BBS4: variants seen among roughly 807,000 people sequenced by gnomAD.
BBS4 encodes the protein BBSome complex member BBS4.
In BBS4, 58 loss-of-function variants were observed where a neutral mutation model predicts 71.4. That is an observed-to-expected ratio of 0.81 (90% confidence interval 0.66 to 1.01). The LOEUF is 1.01. Among genes scored for constraint, BBS4 ranks in the 50% least tolerant of loss-of-function variants. The pLI, the probability that BBS4 is intolerant of heterozygous loss-of-function variation, is 0.00. For missense variants in BBS4, 660 were observed against 607.9 expected, an observed-to-expected ratio of 1.09 and a Z score of -0.90; for synonymous variants, 228 against 216.8, an observed-to-expected ratio of 1.05 and a Z score of -0.46.
rs140128357 is a variant in BBS4 at position 72,701,877 on chromosome 15, C to T, written c.76+6649C>T. On this transcript the variant is annotated intron_variant, in intron 2 of 15. Coordinates refer to ENST00000268057, the MANE Select transcript of BBS4 (RefSeq NM_033028.5). The stretch of plus-strand genomic sequence containing the variant: ...TTTTTGAGACGGAGTCTTGCTCTGT[C>T]GCCAGGCTGGAGTGCAGTGGTGCGA... Among the ~76,000 whole-genome samples the T allele has an allele frequency of 8.4e-3, 1,276 of 152,170 alleles. 13 individuals are homozygous for T. Among genetic ancestry groups the T allele is most frequent in the African/African-American group, 0.029 (1,206 of 41,522 alleles).
intron 2 of BBS4, among the ~76,000 whole-genome samples, chr15:72,705,784 G>A (rs766064918): frequency 6.6e-6 from 1 of 151,566 alleles, no homozygotes; most frequent in Admixed American, 6.6e-5. Context: ...TGTAGAGATG[G>A]GGTTTGTCCA....
Position 72,731,377 on chromosome 15 carries a change from G to C in BBS4, c.784G>C (p.Val262Leu), listed in dbSNP as rs750598060. The C allele has an allele frequency of 6.2e-7, 1 of 1,614,146 alleles. No homozygotes were observed. Among genetic ancestry groups the C allele is most frequent in the Non-Finnish European group, 8.5e-7 (1 of 1,180,030 alleles). ...FDVALTKYRV[V>L]ACAVPESPPL... ...TGTTGCCCTCACCAAATACAGAGTT[G>C]TGGCTTGTGCTGTTCCAGAAAGTCC... is the stretch of plus-strand genomic sequence containing the variant. The change falls in exon 11 of 16, where the codon GTG becomes CTG. Residue 262 changes from valine (V) to leucine (L), a missense_variant. Transcript: ENST00000268057.
intron 2 of BBS4, among the ~76,000 whole-genome samples, chr15:72,696,228 A>T (rs564229715): frequency 6.6e-6 from 1 of 152,314 alleles, no homozygotes; most frequent in Non-Finnish European, 1.5e-5. Flanking sequence ...GTTTGTCTTT[A>T]TATAATATTC....
rs770575180 is a variant in BBS4, at chr15:72,735,998, A to C, written c.1248+32A>C. On this transcript the variant is annotated intron_variant, in intron 14 of 15. Transcript: ENST00000268057. Reference sequence around the variant, plus strand: ...CTTTTATTAGCTCCCAAGAGTCATAAGTAAGCTCTCAGGAGACTTTTAAAA... The same window carrying C: ...CTTTTATTAGCTCCCAAGAGTCATACGTAAGCTCTCAGGAGACTTTTAAAA... 3.1e-6 allele frequency: 5 copies of C among 1,613,418 alleles called. No homozygotes were observed. In the South Asian group the frequency reaches 5.5e-5, roughly 18 times the overall value.
At chr15:72,709,672 G>C in intron 2 of BBS4, 28 bp from the exon 3 acceptor site, 1 of 1,524,154 alleles carries the variant, frequency 6.6e-7, no homozygotes, top group Non-Finnish European at 9.1e-7. Flanking sequence ...TGACTGTGTT[G>C]TTTGTTTTGT....
intron 8 of BBS4, among the ~76,000 whole-genome samples, chr15:72,724,868 G>A (rs1244298136): frequency 2.6e-5 from 4 of 151,966 alleles, no homozygotes; most frequent in African/African-American, 7.3e-5. Flanking sequence ...AGGTTAGCTG[G>A]GCAGCTCTAT....
At chr15:72,731,167 A>G (rs756910107) in intron 10 of BBS4, 138 bp from the exon 11 acceptor site, 91 of 822,242 alleles carry the variant, frequency 1.1e-4, no homozygotes, top group Non-Finnish European at 1.5e-4. Flanking sequence ...AATAGGTTGG[A>G]TATATTTATG....
At chr15:72,699,021 T>C (rs1180235336) in intron 2 of BBS4, among the ~76,000 whole-genome samples, 7 of 152,244 alleles carry the variant, frequency 4.6e-5, no homozygotes, top group Non-Finnish European at 7.3e-5. Context: ...ATGACTTTCA[T>C]TGATTAGCTT....
At chr15:72,736,317 C>T (rs2065923297) in intron 14 of BBS4, among the ~76,000 whole-genome samples, 1 of 147,704 alleles carries the variant, frequency 6.8e-6, no homozygotes, top group African/African-American at 2.5e-5. Flanking sequence ...TCTCAGTTCA[C>T]TGCAACCTCC....
chr15:72,715,541 C>T (rs1340771975), intron 5 of BBS4, 139 bp downstream of exon 5: 2 of 707,692 alleles, frequency 2.8e-6, no homozygotes, highest in East Asian at 5.1e-5. Flanking sequence ...CAGTGGGATT[C>T]ACTCTGAAGA....
intron 14 of BBS4, 75 bp from the exon 15 acceptor site, chr15:72,736,687 G>A: frequency 7.5e-6 from 11 of 1,466,316 alleles, no homozygotes; most frequent in Non-Finnish European, 1.0e-5. Context: ...ACCCCAGCTC[G>A]AAGACCAAAG....
At chr15:72,718,878 T>C (rs1194163079) in intron 6 of BBS4, among the ~76,000 whole-genome samples, 2 of 152,186 alleles carry the variant, frequency 1.3e-5, no homozygotes, top group Non-Finnish European at 2.9e-5. Context: ...TTTTAGGTTC[T>C]GAGGGGATAT....
intron 8 of BBS4, among the ~76,000 whole-genome samples, chr15:72,725,057 TAGAGAG>T (rs71137311): frequency 6.3e-5 from 8 of 127,662 alleles, no homozygotes; most frequent in African/African-American, 1.5e-4. Context: ...TATATATATA[TAGAGAG>T]AGAGAGAGAG....
At chr15:72,716,639 C>A in intron 5 of BBS4, 139 bp from the exon 6 acceptor site, 1 of 698,158 alleles carries the variant, frequency 1.4e-6, no homozygotes, top group Non-Finnish European at 2.5e-6. Flanking sequence ...GCTTCACTGA[C>A]CAAACCAGCA....
chr15:72,736,714 C>A, intron 14 of BBS4, 48 bp from the exon 15 acceptor site: 1 of 1,598,024 alleles, frequency 6.3e-7, no homozygotes, highest in Non-Finnish European at 8.6e-7. Context: ...GTTGGCTTGT[C>A]TCTGACAGTC....
At chr15:72,698,043 C>T (rs939779409) in intron 2 of BBS4, 17 of 455,692 alleles carry the variant, frequency 3.7e-5, no homozygotes, top group African/African-American at 2.6e-4. Flanking sequence ...TTGAGGTGAG[C>T]GAACTGATTT....
At chr15:72,702,103 C>T (rs113055520) in intron 2 of BBS4, among the ~76,000 whole-genome samples, 11 of 152,038 alleles carry the variant, frequency 7.2e-5, no homozygotes, top group Non-Finnish European at 1.5e-4. Flanking sequence ...GCCTCGGCCT[C>T]CCAAAGTGCT....
At position 72,710,446 on chromosome 15, in the gene BBS4, C is replaced by T. The variant is rs1034262082; in HGVS notation, c.156+667C>T. On this transcript the variant is annotated intron_variant, in intron 3 of 15. Coordinates refer to ENST00000268057, the MANE Select transcript of BBS4 (RefSeq NM_033028.5). ...CGAACTCCTGACCTTGTGATCTGCC[C>T]GCCTTGGCCTCCCAAAGTGCTGGGA... Among the ~76,000 whole-genome samples the T allele has an allele frequency of 7.9e-5, 12 of 152,096 alleles. No individual in the cohort carries two copies. The East Asian group carries it at 1.5e-3, about 20-fold the overall frequency.
chr15:72,727,860 C>A, intron 8 of BBS4, 80 bp from the exon 9 acceptor site: 2 of 1,073,572 alleles, frequency 1.9e-6, no homozygotes, highest in Non-Finnish European at 1.4e-6. Context: ...TCAAGTATTG[C>A]ACGAGGGCAT....
Sources: gnomAD v4.1 joint callset for allele counts (sites outside exome capture counted in the v4.1 genomes callset) on GRCh38, gnomAD v4.1.1 for gene constraint, MANE v1.5 for transcripts, NCBI Gene and HGNC (gene_info 2026-07-23, HGNC 2026-07-21) for gene names.